Variants in SEMA4G observed in about 807,000 individuals in gnomAD.
SEMA4G encodes the protein semaphorin 4G.
SEMA4G carries 59 observed loss-of-function variants against 81.2 expected under a neutral mutation model. The ratio of observed to expected loss-of-function variants is 0.73; its 90% confidence interval spans 0.59 to 0.90. The LOEUF (loss-of-function observed/expected upper bound fraction) is 0.90, where lower values mean the gene tolerates loss of function less well. SEMA4G is among the 40% of genes least tolerant of loss of function. The pLI is 0.00. For missense variants in SEMA4G, 952 were observed against 1,102.3 expected (o/e 0.86, Z 1.93); for synonymous variants, 404 against 433.9 (o/e 0.93, Z 0.86).
At position 100,973,587 on chromosome 10, in the gene SEMA4G, A is replaced by G; in HGVS notation, c.314A>G (p.His105Arg). 4 of 1,614,130 alleles carry G rather than the reference A, an allele frequency of 2.5e-6. No homozygotes were observed. The highest frequency in any genetic ancestry group is 3.3e-4 in the Middle Eastern group (2 of 6,062). The change falls in exon 3 of 14, where the codon CAT (histidine) becomes CGT (arginine). Residue 105 changes from histidine (H) to arginine (R), a missense_variant. Around this residue, in one of 3 missense-constraint regions of SEMA4G, gnomAD observed 436 missense variants for 488.2 expected, o/e 0.89. Coordinates refer to ENST00000370250, the Ensembl canonical transcript of SEMA4G. The surrounding 1 kb of genome is among the most constrained non-coding windows in gnomAD (Gnocchi z 5.5). ...TCCCCAGAGATGCAAAGCAAATGTC[A>G]TCAAAAAGGGAAAAACAACCAGGTA...
At chr10:100,982,141 T>C (rs1206018449) in intron 13 of SEMA4G, among the ~76,000 whole-genome samples, 1 of 151,344 alleles carries the variant, frequency 6.6e-6, no homozygotes, top group Non-Finnish European at 1.5e-5. Flanking sequence ...TTCTGGTCAC[T>C]ATACTATGCT....
chr10:100,973,707 G>A lies in SEMA4G; in HGVS notation c.336+98G>A. On this transcript the variant is annotated intron_variant, in intron 3 of 13. Coordinates refer to ENST00000370250, the Ensembl canonical transcript of SEMA4G. This position sits in a 1 kb window ranked among gnomAD's most constrained non-coding sequence, Gnocchi z 5.5. ...GACACAGATGGGTAGGTACAGACCT[G>A]CCAGTCAATCTCAGCAACCACAGTA... The A allele has an allele frequency of 1.9e-6, 2 of 1,065,484 alleles. No homozygotes were observed. Among genetic ancestry groups the A allele is most frequent in the Non-Finnish European group, 2.8e-6 (2 of 720,800 alleles). The allele number at this position is 1,065,484 out of a possible 1,614,324, so 66.0% of individuals were successfully genotyped here.
intron 12 of SEMA4G, 50 bp downstream of exon 13, chr10:100,981,047 A>C: frequency 1.3e-6 from 2 of 1,596,514 alleles, no homozygotes; most frequent in East Asian, 4.5e-5. Context: ...GTGGAGGAGG[A>C]AGGCCTGATA....
intron 3 of SEMA4G, among the ~76,000 whole-genome samples, chr10:100,976,793 C>T (rs574474132): frequency 6.6e-6 from 1 of 152,296 alleles, no homozygotes; most frequent in South Asian, 2.1e-4. Flanking sequence ...ATAACATACC[C>T]CTTTGTACTT....
In SEMA4G at chr10:100,982,159, A is replaced by G. The variant is rs111825642; in HGVS notation, c.1690+930A>G. On this transcript the variant is annotated intron_variant, in intron 13 of 13. Transcript: ENST00000370250. ...TGGTCACTATACTATGCTATCTCCC[A>G]CAAGTTAGCCAGGCAAGCAGAGGAC... 1.3e-3 allele frequency among the ~76,000 whole-genome samples: 196 copies of G among 151,784 alleles called. 1 individual carries two copies. The highest frequency in any genetic ancestry group is 4.0e-3 in the African/African-American group (166 of 41,394).
upstream of SEMA4G, among the ~76,000 whole-genome samples, chr10:100,970,530 A>G (rs141864996): frequency 1.0e-2 from 1,508 of 151,194 alleles, 13 homozygotes; most frequent in South Asian, 0.035. Flanking sequence ...CCAAGGTCAG[A>G]AGCCTCCCCC....
At chr10:100,983,055 G>A (rs11594926) in intron 13 of SEMA4G, among the ~76,000 whole-genome samples, 1 of 152,214 alleles carries the variant, frequency 6.6e-6, no homozygotes, top group South Asian at 2.1e-4. Context: ...GCAGATGGCA[G>A]AAATTGAAAC....
At chr10:100,983,509 G>C in exon 14 of SEMA4G, 1 of 1,614,220 alleles carries the variant, frequency 6.2e-7, no homozygotes, top group Non-Finnish European at 8.5e-7. Flanking sequence ...AACTATGGCT[G>C]CTATGCCGAG....
At chr10:100,984,339 C>T in exon 14 of SEMA4G, 1 of 1,441,838 alleles carries the variant, frequency 6.9e-7, no homozygotes, top group Non-Finnish European at 9.1e-7. Context: ...CAGCCCAGGC[C>T]CATCGGTGCT....
At chr10:100,978,295 G>C in exon 5 of SEMA4G, 1 of 1,611,804 alleles carries the variant, frequency 6.2e-7, no homozygotes, top group Non-Finnish European at 8.5e-7. Context: ...TGTTCCCTAG[G>C]ATGCTGAGGC....
At chr10:100,984,752 C>A (rs1323698735) in exon 14 of SEMA4G, 1 of 1,536,160 alleles carries the variant, frequency 6.5e-7, no homozygotes, top group Admixed American at 2.0e-5. Flanking sequence ...CTTCCCCAGC[C>A]CCATGTGGTG....
chr10:100,980,654 G>T (rs1340727081), exon 11 of SEMA4G: 1 of 1,614,174 alleles, frequency 6.2e-7, no homozygotes, highest in African/African-American at 1.3e-5. Flanking sequence ...TGTTCAGGGA[G>T]TCCCAGTCTG....
rs1850701834 is a variant in SEMA4G, at chr10:100,973,807, C to A, written c.336+198C>A. Among the ~76,000 whole-genome samples the A allele has an allele frequency of 6.6e-6, 1 of 150,948 alleles. No homozygotes were observed. The highest frequency in any genetic ancestry group is 2.1e-4 in the South Asian group (1 of 4,790). On this transcript the variant is annotated intron_variant, in intron 3 of 13. Transcript: ENST00000370250. The surrounding 1 kb of genome is among the most constrained non-coding windows in gnomAD (Gnocchi z 5.5). ...TTTTTTTCTTTTTTTGAGGTCGGAT[C>A]TCACTCTGTCATCCAGGTTGGAGTA...
downstream of SEMA4G, chr10:100,984,931 T>G (rs1314573273): frequency 4.0e-5 from 57 of 1,441,904 alleles, 1 homozygote; most frequent in Admixed American, 1.5e-3. Flanking sequence ...CCCATGCACA[T>G]GTGGTAACAC....
chr10:100,974,580 C>T (rs1221100577), intron 3 of SEMA4G, among the ~76,000 whole-genome samples: 2 of 152,234 alleles, frequency 1.3e-5, no homozygotes, highest in South Asian at 2.1e-4. Context: ...CAACTATCTA[C>T]AGCAAGTGAT....
At chr10:100,984,875 G>A (rs866465441), downstream of SEMA4G, 2 of 1,480,532 alleles carry the variant, frequency 1.4e-6, no homozygotes, top group Middle Eastern at 1.7e-4. Flanking sequence ...ACTCTCCTTG[G>A]TCATTCTCAA....
intron 8 of SEMA4G, among the ~76,000 whole-genome samples, chr10:100,979,627 C>T (rs1405275656): frequency 7.2e-5 from 11 of 152,158 alleles, no homozygotes; most frequent in East Asian, 1.9e-4. Flanking sequence ...GTGATCTGCT[C>T]GCCTCGGCCT....
chr10:100,976,811 T>A (rs977952013), intron 3 of SEMA4G, among the ~76,000 whole-genome samples: 1 of 152,208 alleles, frequency 6.6e-6, no homozygotes, highest in Non-Finnish European at 1.5e-5. Flanking sequence ...CTTTCTAAGT[T>A]TTATACTATG....
rs186915846 is a variant in SEMA4G, at chr10:100,981,078, G to A, written c.1629-90G>A. ...TGATAGCTACTGGGGGAGTGCAGGG[G>A]CTAGTTATTAGTAACAGACCTATCT... On this transcript the variant is annotated intron_variant, in intron 12 of 13. Transcript: ENST00000370250. 1.9e-5 allele frequency: 30 copies of A among 1,605,162 alleles called. No homozygotes were observed. The East Asian group carries it at 6.5e-4, about 35-fold the overall frequency.
Sources: gnomAD v4.1 joint callset for allele counts (sites outside exome capture counted in the v4.1 genomes callset) on GRCh38, gnomAD v4.1.1 for gene constraint, gnomAD v4.1.1 regional missense constraint, Gnocchi (gnomAD v3.1) non-coding constraint, MANE v1.5 for transcripts, NCBI Gene and HGNC (gene_info 2026-07-23, HGNC 2026-07-21) for gene names.